The following LRP1B variants were observed in gnomAD, a reference collection of about 807,000 sequenced individuals.
LRP1B encodes the protein LDL receptor related protein 1B.
A neutral mutation model predicts 556.6 loss-of-function variants in LRP1B; 217 were observed. The observed-to-expected ratio is 0.39, with a 90% CI of 0.35 to 0.44. The LOEUF (loss-of-function observed/expected upper bound fraction) is 0.44, where lower values mean the gene tolerates loss of function less well. LRP1B is among the 20% of genes least tolerant of loss of function. The pLI, the probability that LRP1B is intolerant of heterozygous loss-of-function variation, is 1.00. For missense variants in LRP1B, 5,053 were observed against 5,620.8 expected (o/e 0.90, Z 3.23); for synonymous variants, 2,047 against 1,865.8 (o/e 1.10, Z -2.50).
At chr2:140,889,026 A>C (rs944449979) in intron 23 of LRP1B, among the ~76,000 whole-genome samples, 1 of 152,026 alleles carries the variant, frequency 6.6e-6, no homozygotes, top group Non-Finnish European at 1.5e-5. Context: ...TAATAGTAAA[A>C]TTATACCTTC....
intron 3 of LRP1B, among the ~76,000 whole-genome samples, chr2:141,398,281 G>C (rs1211598261): frequency 6.6e-6 from 1 of 152,106 alleles, no homozygotes; most frequent in Non-Finnish European, 1.5e-5. Flanking sequence ...TAAAAGAACT[G>C]TCAAATATTT....
At chr2:141,230,543 T>G (rs1683420229) in intron 5 of LRP1B, among the ~76,000 whole-genome samples, 1 of 152,208 alleles carries the variant, frequency 6.6e-6, no homozygotes, top group African/African-American at 2.4e-5. Flanking sequence ...AGAGCAAAAT[T>G]CAAAGTCCTT....
At chr2:141,871,833 G>T in intron 1 of LRP1B, among the ~76,000 whole-genome samples, 1 of 151,890 alleles carries the variant, frequency 6.6e-6, no homozygotes, top group Admixed American at 6.6e-5. Context: ...AAAAGAAGAG[G>T]AAATAAGACC....
At chr2:141,274,298 A>G (rs1685201290) in intron 3 of LRP1B, among the ~76,000 whole-genome samples, 1 of 152,232 alleles carries the variant, frequency 6.6e-6, no homozygotes, top group African/African-American at 2.4e-5. Context: ...ACTGGAAACA[A>G]TTCAAGAATC....
intron 77 of LRP1B, 27 bp from the exon 78 acceptor site, chr2:140,335,865 C>T (rs377649901): frequency 8.6e-5 from 121 of 1,409,656 alleles, no homozygotes; most frequent in East Asian, 3.7e-4. Context: ...CAACACACCA[C>T]GGTATTTTCA....
At chr2:141,041,054 G>A (rs556814794) in intron 11 of LRP1B, among the ~76,000 whole-genome samples, 7 of 151,838 alleles carry the variant, frequency 4.6e-5, no homozygotes, top group Admixed American at 1.3e-4. Context: ...GGAAGACCTC[G>A]GTTTTCCAGG....
chr2:141,900,478 T>G (rs2381169), intron 1 of LRP1B, among the ~76,000 whole-genome samples: 56,671 of 151,778 alleles, frequency 0.37, 11,582 homozygotes, highest in Admixed American at 0.49. Context: ...GTAATAATAT[T>G]CCACATTCTT....
At chr2:140,355,328 C>T (rs963570424) in intron 75 of LRP1B, among the ~76,000 whole-genome samples, 8 of 151,642 alleles carry the variant, frequency 5.3e-5, no homozygotes. Flanking sequence ...AAAATAAATA[C>T]CATAGTTTGA....
At chr2:141,330,020 C>T (rs1363818260) in intron 3 of LRP1B, among the ~76,000 whole-genome samples, 1 of 151,650 alleles carries the variant, frequency 6.6e-6, no homozygotes, top group South Asian at 2.1e-4. Flanking sequence ...AAAAGCTTAG[C>T]TAAGTGAGGT....
intron 43 of LRP1B, among the ~76,000 whole-genome samples, chr2:140,559,408 T>C (rs1680850924): frequency 6.6e-6 from 1 of 152,034 alleles, no homozygotes; most frequent in Non-Finnish European, 1.5e-5. Context: ...AACTAAGAAA[T>C]GACCAGAGTA....
At chr2:141,020,178 C>T (rs2105397594) in intron 11 of LRP1B, 76 bp from the exon 12 acceptor site, 1 of 914,788 alleles carries the variant, frequency 1.1e-6, no homozygotes. Flanking sequence ...CTAATAGCTA[C>T]CTAATAAAAA....
chr2:140,655,771 T>C (rs1684857632), intron 41 of LRP1B, among the ~76,000 whole-genome samples: 1 of 152,030 alleles, frequency 6.6e-6, no homozygotes, highest in Admixed American at 6.6e-5. Context: ...TGAAACCCCG[T>C]CTCTACTAAA....
chr2:140,884,039 C>G lies in LRP1B; in HGVS notation c.3965-18G>C, dbSNP rs749366090. ...ACTGACACCTACAAAAGAAGGAAAA[C>G]CAACATGTGCACCCATTCAAGGATT... On this transcript the variant is annotated intron_variant, in intron 24 of 90. Coordinates refer to ENST00000389484, the MANE Select transcript of LRP1B (RefSeq NM_018557.3). 2 of 1,608,024 alleles carry G rather than the reference C, an allele frequency of 1.2e-6. No homozygotes were observed. The highest frequency in any genetic ancestry group is 4.5e-5 in the East Asian group (2 of 44,818).
At chr2:141,843,049 C>G (rs1001486352) in intron 1 of LRP1B, among the ~76,000 whole-genome samples, 1 of 151,956 alleles carries the variant, frequency 6.6e-6, no homozygotes, top group Admixed American at 6.6e-5. Context: ...AAAATGAAAC[C>G]TAGAGACCTT....
chr2:140,275,677 A>G (rs1314765018), intron 84 of LRP1B, among the ~76,000 whole-genome samples: 3 of 152,002 alleles, frequency 2.0e-5, no homozygotes, highest in Non-Finnish European at 4.4e-5. Flanking sequence ...TCCATCATTC[A>G]TGGGGAATAA....
intron 62 of LRP1B, among the ~76,000 whole-genome samples, chr2:140,456,099 C>T (rs1038514299): frequency 1.3e-5 from 2 of 152,154 alleles, no homozygotes; most frequent in African/African-American, 2.4e-5. Flanking sequence ...AGATCACCTA[C>T]TCTAAGAAAT....
intron 1 of LRP1B, among the ~76,000 whole-genome samples, chr2:141,879,452 A>C (rs1698881233): frequency 6.6e-6 from 1 of 151,982 alleles, no homozygotes; most frequent in Non-Finnish European, 1.5e-5. Flanking sequence ...TGTTAACAAA[A>C]TCAGTTTTTT....
rs147627305 is a variant in LRP1B, at chr2:141,347,365, A to G, written c.344-92724T>C. 2.6e-3 allele frequency among the ~76,000 whole-genome samples: 390 copies of G among 152,212 alleles called. 1 individual carries two copies. Among genetic ancestry groups the G allele is most frequent in the African/African-American group, 8.9e-3 (370 of 41,568 alleles). The stretch of plus-strand genomic sequence containing the variant: ...TAGAATGCAATCTCAGTTCTTTCAA[A>G]AACAGAGCGGGTACTTCATCCAGTA... On this transcript the variant is annotated intron_variant, in intron 3 of 90. Transcript: ENST00000389484.
intron 1 of LRP1B, among the ~76,000 whole-genome samples, chr2:141,837,552 T>C (rs936844565): frequency 1.3e-5 from 2 of 152,058 alleles, no homozygotes; most frequent in African/African-American, 4.8e-5. Context: ...TTGATTATCT[T>C]TACATTTCAC....
Sources: allele counts gnomAD v4.1 joint callset (sites outside exome capture counted in the v4.1 genomes callset), GRCh38; gene constraint gnomAD v4.1.1; transcripts MANE v1.5; gene names NCBI Gene and HGNC (gene_info 2026-07-23, HGNC 2026-07-21).